CCDC112: variants seen among roughly 807,000 people sequenced by gnomAD.
CCDC112 encodes the protein coiled-coil domain containing 112.
CCDC112 carries 40 observed loss-of-function variants against 66.3 expected under a neutral mutation model. That is an observed-to-expected ratio of 0.60 (90% CI 0.47 to 0.79). CCDC112 has a LOEUF of 0.79. Among genes scored for constraint, CCDC112 ranks in the 30% least tolerant of loss-of-function variants. The pLI is 0.00. For missense variants in CCDC112, 659 were observed against 603.8 expected (o/e 1.09, Z -0.96); for synonymous variants, 214 against 197.2 (o/e 1.09, Z -0.71).
At position 115,296,437 on chromosome 5, in the gene CCDC112, G is replaced by A; in HGVS notation, c.107C>T (p.Ala36Val). The change falls in exon 1 of 10, where the codon GCG (alanine) becomes GTG (valine). Residue 36 changes from alanine to valine, a missense_variant. Coordinates refer to ENST00000379611, the MANE Select transcript of CCDC112 (RefSeq NM_001040440.3). ...ATGTGVGATPAPQQSDGCFST... is the reference protein window; with the variant it reads ...ATGTGVGATPVPQQSDGCFST... ...TTCTCCCGGATTTACCTGTTGAGGCGCTGGCGTCGCTCCCACGCCGGTCCC... is the reference window on the plus strand; with the variant it reads ...TTCTCCCGGATTTACCTGTTGAGGCACTGGCGTCGCTCCCACGCCGGTCCC... The A allele has an allele frequency of 6.4e-7, 1 of 1,566,170 alleles. No individual in the cohort carries two copies.
chr5:115,276,267 C>T (rs1426796573), intron 4 of CCDC112, among the ~76,000 whole-genome samples, 198 bp from the exon 5 acceptor site: 4 of 152,126 alleles, frequency 2.6e-5, no homozygotes, highest in African/African-American at 4.8e-5. Flanking sequence ...ATACTCATAT[C>T]ATAATTATCT....
intron 2 of CCDC112, among the ~76,000 whole-genome samples, chr5:115,283,171 G>C (rs974203462): frequency 6.6e-6 from 1 of 152,010 alleles, no homozygotes; most frequent in African/African-American, 2.4e-5. Context: ...GCAACTTCAA[G>C]CATACAATAC....
chr5:115,279,919 C>A, intron 2 of CCDC112, 151 bp from the exon 3 acceptor site: 1 of 535,732 alleles, frequency 1.9e-6, no homozygotes, highest in South Asian at 2.8e-5. Context: ...GCTAAGGAAT[C>A]AAAACATTAG....
intron 1 of CCDC112, among the ~76,000 whole-genome samples, chr5:115,294,861 C>T (rs1750081594): frequency 6.6e-6 from 1 of 152,132 alleles, no homozygotes; most frequent in Admixed American, 6.5e-5. Context: ...AGTAATGCTG[C>T]ATTGTTTTGT....
At chr5:115,277,865 G>T (rs1220283133) in intron 3 of CCDC112, among the ~76,000 whole-genome samples, 3 of 151,926 alleles carry the variant, frequency 2.0e-5, no homozygotes, top group Admixed American at 2.0e-4. Context: ...TCATCTTGGG[G>T]TATTTTATGC....
chr5:115,273,805 T>C (rs1170562171), intron 6 of CCDC112, among the ~76,000 whole-genome samples: 2 of 152,128 alleles, frequency 1.3e-5, no homozygotes, highest in Non-Finnish European at 2.9e-5. Flanking sequence ...TGATGCTGAT[T>C]TTGCTGGTCT....
chr5:115,279,587 G>C, intron 3 of CCDC112, 60 bp downstream of exon 3: 1 of 1,560,178 alleles, frequency 6.4e-7, no homozygotes, highest in South Asian at 1.1e-5. Flanking sequence ...ACAAAGCACA[G>C]GGTAAAACTA....
At chr5:115,289,263 A>AT (rs1749817904) in intron 1 of CCDC112, 1 of 165,968 alleles carries the variant, frequency 6.0e-6, no homozygotes, top group African/African-American at 2.4e-5. Context: ...TTAGATGACA[A>AT]TTGCAAGAAT....
chr5:115,284,714 G>A, intron 2 of CCDC112, 73 bp downstream of exon 2: 1 of 1,230,946 alleles, frequency 8.1e-7, no homozygotes, highest in Non-Finnish European at 1.2e-6. Flanking sequence ...GTAGGGTAGA[G>A]TAGAATTAAT....
chr5:115,282,781 T>A (rs189722404), intron 2 of CCDC112, among the ~76,000 whole-genome samples: 1 of 152,126 alleles, frequency 6.6e-6, no homozygotes, highest in Non-Finnish European at 1.5e-5. Context: ...CTGGGTACCC[T>A]TTGATTTGTT....
chr5:115,288,132 C>G (rs554398662), intron 1 of CCDC112, among the ~76,000 whole-genome samples: 80 of 152,242 alleles, frequency 5.3e-4, no homozygotes, highest in Non-Finnish European at 1.0e-3. Flanking sequence ...AGGCACCCAC[C>G]ACCACGCCCA....
intron 5 of CCDC112, 21 bp downstream of exon 5, chr5:115,275,973 T>C: frequency 6.6e-7 from 1 of 1,506,520 alleles, no homozygotes; most frequent in Non-Finnish European, 9.1e-7. Flanking sequence ...AATTTTATAT[T>C]AAAATGAGTT....
chr5:115,280,838 G>A (rs754431172), intron 2 of CCDC112, among the ~76,000 whole-genome samples: 14 of 151,888 alleles, frequency 9.2e-5, no homozygotes, highest in Non-Finnish European at 1.8e-4. Context: ...ATCATGCCCA[G>A]CCAAAATTAA....
Position 115,296,500 on chromosome 5 carries a change from G to A in CCDC112, c.44C>T (p.Ala15Val), listed in dbSNP as rs1750165827. Residue 15 changes from alanine to valine, a missense_variant, in exon 1 of 10, where the codon GCG (alanine) becomes GTG (valine). Ala to Val is a moderately conservative substitution (Grantham distance 64). Transcript: ENST00000379611. ...TTVVVAAAAT[A>V]VAGAVAGAGA... ...CGCCCCTGCCACAGCCCCGGCTACC[G>A]CGGTGGCCGCAGCCGCTACCACAAC... The A allele has an allele frequency of 2.6e-6, 4 of 1,552,036 alleles. No homozygotes were observed. The highest frequency in any genetic ancestry group is 1.2e-5 in the South Asian group (1 of 85,778).
At position 115,292,896 on chromosome 5, in the gene CCDC112, G is replaced by T. The variant is rs76674949; in HGVS notation, c.117+3531C>A. Among the ~76,000 whole-genome samples the T allele has an allele frequency of 7.0e-3, 1,059 of 152,304 alleles. 20 individuals carry two copies. Among genetic ancestry groups the T allele is most frequent in the Admixed American group, 0.033 (506 of 15,296 alleles). On this transcript the variant is annotated intron_variant, in intron 1 of 9. Coordinates refer to ENST00000379611, the MANE Select transcript of CCDC112 (RefSeq NM_001040440.3). Reference sequence around the variant, plus strand: ...AACCCTATCTTAGTATTTACTTTCTGCCAGCACAGTGTTTCAAAGACAAAC... The same window carrying T: ...AACCCTATCTTAGTATTTACTTTCTTCCAGCACAGTGTTTCAAAGACAAAC...
At position 115,276,005 on chromosome 5, in the gene CCDC112, C is replaced by T. The variant is rs756932269; in HGVS notation, c.516G>A (p.Glu172=). Residue 172 remains glutamate, a synonymous_variant, in exon 5 of 10, where the codon GAG becomes GAA. Coordinates refer to ENST00000379611, the MANE Select transcript of CCDC112 (RefSeq NM_001040440.3). The part of the protein sequence containing the change: ...IENAINTFKE[E]QRLIYEELIK... ...AGTTTAAAACATACATCAACCTCTG[C>T]TCTTCTTTAAAAGTGTTAATTGCAT... 5.0e-6 allele frequency: 8 copies of T among 1,598,712 alleles called. No homozygotes were observed. The highest frequency in any genetic ancestry group is 6.8e-6 in the Non-Finnish European group (8 of 1,169,608).
chr5:115,271,562 T>A lies in CCDC112; in HGVS notation c.983A>T (p.Lys328Met). ...KREEIFKLKEKADNTPVLFHN... is the reference protein window; with the variant it reads ...KREEIFKLKEMADNTPVLFHN... ...AAAAAGCACAGGTGTGTTGTCTGCC[T>A]TTTCCTTTAACTTGAAAATTTCCTC... Residue 328 changes from lysine to methionine, a missense_variant, in exon 7 of 10, where the codon AAG becomes ATG. Physicochemically the swap from Lys to Met is moderately conservative, Grantham distance 95. Coordinates refer to ENST00000379611, the MANE Select transcript of CCDC112 (RefSeq NM_001040440.3). The A allele has an allele frequency of 6.3e-7, 1 of 1,578,272 alleles. No homozygotes were observed. Among genetic ancestry groups the A allele is most frequent in the Non-Finnish European group, 8.6e-7 (1 of 1,168,482 alleles).
At position 115,296,480 on chromosome 5, in the gene CCDC112, C is replaced by G. The variant is rs1750164656; in HGVS notation, c.64G>C (p.Gly22Arg). 1 of 1,567,970 alleles carries G rather than the reference C, an allele frequency of 6.4e-7. No homozygotes were observed. The highest frequency in any genetic ancestry group is 8.6e-7 in the Non-Finnish European group (1 of 1,163,680). Residue 22 changes from glycine (G) to arginine (R), a missense_variant, in exon 1 of 10, where the codon GGG (glycine) becomes CGG (arginine). Transcript: ENST00000379611. The part of the protein sequence containing the change: ...AATAVAGAVA[G>R]AGAATGTGVG... ...CCGGTCCCGGTGGCCGCGCCCGCCC[C>G]TGCCACAGCCCCGGCTACCGCGGTG... is the stretch of plus-strand genomic sequence containing the variant.
chr5:115,295,860 G>A (rs1182917975), intron 1 of CCDC112: 1 of 982,288 alleles, frequency 1.0e-6, no homozygotes, highest in Non-Finnish European at 1.2e-6. Context: ...ATTCATTTTA[G>A]GGAGATCATG....
Sources: allele counts gnomAD v4.1 joint callset (sites outside exome capture counted in the v4.1 genomes callset), GRCh38; gene constraint gnomAD v4.1.1; transcripts MANE v1.5; gene names NCBI Gene and HGNC (gene_info 2026-07-23, HGNC 2026-07-21).